The following CHD7 variants were observed in gnomAD, a reference collection of about 807,000 sequenced individuals.
CHD7 encodes the protein ATP-dependent chromatin remodeler CHD7.
Under a neutral mutation model 307.3 loss-of-function variants are expected in CHD7, and 24 were observed. The observed-to-expected ratio is 0.08, with a 90% CI of 0.06 to 0.11. CHD7 has a LOEUF of 0.11. Among genes scored for constraint, CHD7 ranks in the 10% least tolerant of loss-of-function variants. The probability of loss-of-function intolerance (pLI) is 1.00; values close to 1 mark genes in which losing one functional copy is unlikely to be tolerated. For synonymous variants in CHD7, 1,363 were observed against 1,349.9 expected (o/e 1.01, Z -0.21); for missense variants, 3,106 against 3,727.1 (o/e 0.83, Z 4.34).
intron 31 of CHD7, among the ~76,000 whole-genome samples, chr8:60,854,115 G>T (rs139123848): frequency 6.6e-6 from 1 of 152,108 alleles, no homozygotes; most frequent in Admixed American, 6.5e-5. Flanking sequence ...TTACTTGCAC[G>T]GTGCTAGGTG....
chr8:60,778,297 A>T (rs1048276084), intron 2 of CHD7, among the ~76,000 whole-genome samples: 3 of 152,180 alleles, frequency 2.0e-5, no homozygotes, highest in African/African-American at 7.2e-5. Context: ...TTTTCACCCT[A>T]TTTCAGATAG....
chr8:60,755,273 TAAGTA>T (rs1193635156), intron 2 of CHD7, among the ~76,000 whole-genome samples: 6 of 151,280 alleles, frequency 4.0e-5, no homozygotes, highest in Admixed American at 2.0e-4. Context: ...TTTTTTCAAA[TAAGTA>T]AGGAAGGTTT....
chr8:60,754,041 C>A (rs62524957), intron 2 of CHD7, among the ~76,000 whole-genome samples: 4,740 of 152,230 alleles, frequency 0.031, 161 homozygotes, highest in African/African-American at 0.079. Flanking sequence ...TGCAAAGAGA[C>A]AAGTGTCAGT....
At chr8:60,859,764 G>A (rs1190296179) in intron 34 of CHD7, among the ~76,000 whole-genome samples, 1 of 152,202 alleles carries the variant, frequency 6.6e-6, no homozygotes, top group Non-Finnish European at 1.5e-5. Flanking sequence ...GCAGAGATGA[G>A]CTTGCAGAGA....
intron 2 of CHD7, among the ~76,000 whole-genome samples, chr8:60,745,433 G>T (rs1809274742): frequency 2.6e-5 from 4 of 152,144 alleles, no homozygotes; most frequent in Non-Finnish European, 5.9e-5. Flanking sequence ...TGAGTCTGTG[G>T]CGTTTGAATC....
chr8:60,842,013 G>A lies in CHD7; in HGVS notation c.4811G>A (p.Ser1604Asn). The part of the protein sequence containing the change: ...PQDKSQGYAR[S>N]ECFRVEKNLL... ...GATAAGTCACAGGGCTATGCAAGGA[G>A]TGAATGTTTCAGGGTGGAGAAGAAT... The change falls in exon 21 of 38, where the codon AGT becomes AAT. Residue 1604 changes from serine (S) to asparagine (N), a missense_variant. By Grantham distance (46) the Ser-to-Asn change is conservative (BLOSUM62 1). Around this residue, in one of 10 missense-constraint regions of CHD7, gnomAD observed 122 missense variants for 124.5 expected, o/e 0.98. Coordinates refer to ENST00000423902, the MANE Select transcript of CHD7 (RefSeq NM_017780.4). The A allele has an allele frequency of 6.2e-7, 1 of 1,613,960 alleles. No homozygotes were observed.
At chr8:60,753,917 G>T (rs554487170) in intron 2 of CHD7, among the ~76,000 whole-genome samples, 39 of 152,002 alleles carry the variant, frequency 2.6e-4, no homozygotes, top group African/African-American at 9.4e-4. Flanking sequence ...GAGCCACCGC[G>T]CCCTGCTGCA....
rs751652088 is a variant in CHD7, at chr8:60,742,101, A to G, written c.669A>G (p.Gly223=). 1 of 1,613,938 alleles carries G rather than the reference A, an allele frequency of 6.2e-7. No homozygotes were observed. Among genetic ancestry groups the G allele is most frequent in the Non-Finnish European group, 8.5e-7 (1 of 1,179,878 alleles). ...FSQGQEGLNQ[G]NPFIATSGPG... ...AAGGCCAAGAGGGCCTCAATCAGGG[A>G]AATCCTTTTATTGCCACCTCAGGAC... The change falls in exon 2 of 38, where the codon GGA becomes GGG. Residue 223 remains glycine, a synonymous_variant. Coordinates refer to ENST00000423902, the MANE Select transcript of CHD7 (RefSeq NM_017780.4).
intron 1 of CHD7, among the ~76,000 whole-genome samples, chr8:60,712,971 A>T (rs1310836530): frequency 6.8e-6 from 1 of 147,726 alleles, no homozygotes; most frequent in Non-Finnish European, 1.5e-5. Context: ...GAATCGCTTG[A>T]ACCCTGGAGG....
intron 13 of CHD7, among the ~76,000 whole-genome samples, chr8:60,828,069 G>T (rs1789798821): frequency 6.6e-6 from 1 of 151,998 alleles, no homozygotes. Context: ...ATTAATTAAA[G>T]AAATACCTAA....
In CHD7 at chr8:60,741,334, T is replaced by C; in HGVS notation, c.-99T>C. ...AAATATGGAATGACATGAAGAAGAT[T>C]AGTTAAGGATTATAGGCTTTGAGGG... On this transcript the variant is annotated 5_prime_UTR_variant, in exon 2 of 38. Coordinates refer to ENST00000423902, the MANE Select transcript of CHD7 (RefSeq NM_017780.4). 1 of 795,034 alleles carries C rather than the reference T, an allele frequency of 1.3e-6. No homozygotes were observed. The highest frequency in any genetic ancestry group is 2.7e-5 in the East Asian group (1 of 37,396). The allele number at this position is 795,034 out of a possible 1,614,324, so 49.2% of individuals were successfully genotyped here.
chr8:60,764,850 C>G (rs1041471492), intron 2 of CHD7, among the ~76,000 whole-genome samples: 6 of 152,188 alleles, frequency 3.9e-5, no homozygotes, highest in Non-Finnish European at 5.9e-5. Flanking sequence ...GAGAAACTTA[C>G]GCAGACATAG....
rs146109913 is a variant in CHD7, at chr8:60,685,967, A to T, written c.-175+6885A>T. On this transcript the variant is annotated intron_variant, in intron 1 of 37. Coordinates refer to ENST00000423902, the MANE Select transcript of CHD7 (RefSeq NM_017780.4). ...TGGGTGATAGAACTTTTTGTTATAG[A>T]TCAAATTTTGTTCTTGTGTGCATAA... Among the ~76,000 whole-genome samples, 22 of 152,280 alleles carry T rather than the reference A, an allele frequency of 1.4e-4. 1 individual carries two copies. In the East Asian group the frequency reaches 4.2e-3, roughly 29 times the overall value.
At chr8:60,855,870 A>G in intron 32 of CHD7, 105 bp from the exon 33 acceptor site, 1 of 721,042 alleles carries the variant, frequency 1.4e-6, no homozygotes, top group South Asian at 1.9e-5. Flanking sequence ...CCTCCAGTTG[A>G]CTTTTAAACA....
intron 3 of CHD7, among the ~76,000 whole-genome samples, chr8:60,783,780 G>C (rs912499260): frequency 2.0e-5 from 3 of 152,126 alleles, no homozygotes; most frequent in African/African-American, 7.2e-5. Flanking sequence ...ACTGGGGGGG[G>C]CGGGGCACAA....
At chr8:60,841,515 C>T in intron 19 of CHD7, 129 bp from the exon 20 acceptor site, 1 of 710,820 alleles carries the variant, frequency 1.4e-6, no homozygotes, top group Admixed American at 2.2e-5. Flanking sequence ...ATTCTAGTCC[C>T]ATCTACTGTA....
intron 4 of CHD7, among the ~76,000 whole-genome samples, chr8:60,797,460 G>A (rs1322528265): frequency 6.6e-6 from 1 of 152,176 alleles, no homozygotes; most frequent in Non-Finnish European, 1.5e-5. Flanking sequence ...AAAGAAGAAA[G>A]CACACTGTCT....
chr8:60,860,362 G>T (rs1422702094), intron 34 of CHD7, among the ~76,000 whole-genome samples: 1 of 152,228 alleles, frequency 6.6e-6, no homozygotes, highest in African/African-American at 2.4e-5. Context: ...TGGAACCTTA[G>T]TGGACTATAA....
chr8:60,838,500 C>T (rs1472402619), intron 19 of CHD7, among the ~76,000 whole-genome samples: 1 of 152,218 alleles, frequency 6.6e-6, no homozygotes, highest in Non-Finnish European at 1.5e-5. Context: ...AGGCTAATCG[C>T]TCACTTGTGT....
Sources: allele counts gnomAD v4.1 joint callset (sites outside exome capture counted in the v4.1 genomes callset), GRCh38; gene constraint gnomAD v4.1.1; regional missense constraint gnomAD v4.1.1; transcripts MANE v1.5; gene names NCBI Gene and HGNC (gene_info 2026-07-23, HGNC 2026-07-21).